Variants in PIAS2 observed in about 807,000 individuals in gnomAD.
PIAS2 encodes E3 SUMO-protein ligase PIAS2.
Under a neutral mutation model 69.7 loss-of-function variants are expected in PIAS2, and 19 were observed. That is an observed-to-expected ratio of 0.27 (90% CI 0.19 to 0.40). The LOEUF is 0.40. Ranked by LOEUF, PIAS2 falls within the 10% of genes least tolerant of loss-of-function variation. The pLI is 1.00. For missense variants in PIAS2, 624 were observed against 757.0 expected (o/e 0.82, Z 2.06); for synonymous variants, 261 against 263.2 (o/e 0.99, Z 0.08).
intron 13 of PIAS2, among the ~76,000 whole-genome samples, chr18:46,814,457 A>G (rs1290894466): frequency 6.6e-6 from 1 of 152,140 alleles, no homozygotes; most frequent in Non-Finnish European, 1.5e-5. Context: ...TTCGTTATAT[A>G]TACTGCTGTA....
rs1429480805 is a variant in PIAS2 at position 46,821,066 on chromosome 18, G to T, written c.1515C>A (p.Leu505=). 1 of 1,613,076 alleles carries T rather than the reference G, an allele frequency of 6.2e-7. No individual in the cohort carries two copies. The highest frequency in any genetic ancestry group is 1.3e-5 in the African/African-American group (1 of 74,842). Residue 505 remains leucine (L), a synonymous_variant, in exon 12 of 14, where the codon CTC becomes CTA. Coordinates refer to ENST00000585916, the MANE Select transcript of PIAS2 (RefSeq NM_004671.5). ...ETQSSPTKGV[L]MYQPSSVRVP... ...CCCTTACAGAAGATGGCTGATACAT[G>T]AGAACCCTGTTTTAAATAGCACGGG...
At chr18:46,821,686 T>G (rs1044469699) in intron 11 of PIAS2, among the ~76,000 whole-genome samples, 13 of 152,186 alleles carry the variant, frequency 8.5e-5, no homozygotes, top group Non-Finnish European at 1.5e-4. Context: ...ATAAAAATGC[T>G]GGCTACCATG....
Position 46,859,427 on chromosome 18 carries a change from C to CAAAAAAA in PIAS2, c.585-3819_585-3813dup, listed in dbSNP as rs55776913. The stretch of plus-strand genomic sequence containing the variant: ...TGGGTGACAGAGCGAGACTCCGTCT[C>CAAAAAAA]AAAAAAAAAAAAAAAAAAAAAAAAA... On this transcript the variant is annotated intron_variant, in intron 3 of 13. Transcript: ENST00000585916. 5.1e-3 allele frequency among the ~76,000 whole-genome samples: 457 copies of CAAAAAAA among 89,526 alleles called. 11 individuals are homozygous for CAAAAAAA. Among genetic ancestry groups the CAAAAAAA allele is most frequent in the Non-Finnish European group, 7.3e-3 (365 of 50,176 alleles). The allele number at this position is 89,526 out of a possible 152,430, so 58.7% of individuals were successfully genotyped here.
chr18:46,904,049 G>A (rs1429316822), intron 1 of PIAS2: 1 of 152,182 alleles, frequency 6.6e-6, no homozygotes, highest in Non-Finnish European at 1.5e-5. Context: ...GGGCCCCAGA[G>A]AGTGAGGGAA....
Position 46,823,998 on chromosome 18 carries a change from G to A in PIAS2, c.1509-2926C>T, listed in dbSNP as rs553801438. On this transcript the variant is annotated intron_variant, in intron 11 of 13. Transcript: ENST00000585916. ...ATGTGATGCTATATGTTAATAAAAA[G>A]ATTTAAAGCTTTTAAAACTTGTTAC... 1.0e-3 allele frequency among the ~76,000 whole-genome samples: 159 copies of A among 152,272 alleles called. 1 individual carries two copies. Among genetic ancestry groups the A allele is most frequent in the Middle Eastern group, 0.01 (3 of 294 alleles).
At chr18:46,911,874 A>T (rs1479220987) in intron 1 of PIAS2, among the ~76,000 whole-genome samples, 1 of 152,190 alleles carries the variant, frequency 6.6e-6, no homozygotes, top group African/African-American at 2.4e-5. Flanking sequence ...AACATGGTGA[A>T]ACCCTGTCTC....
At chr18:46,872,266 C>G (rs1246360287) in intron 2 of PIAS2, among the ~76,000 whole-genome samples, 1 of 152,148 alleles carries the variant, frequency 6.6e-6, no homozygotes, top group Non-Finnish European at 1.5e-5. Context: ...CAGCAAAATA[C>G]CATATGACCA....
chr18:46,829,912 C>T, intron 9 of PIAS2, 45 bp from the exon 10 acceptor site: 2 of 1,557,840 alleles, frequency 1.3e-6, no homozygotes, highest in East Asian at 2.3e-5. Flanking sequence ...AACAGCTTTG[C>T]CTAAAGGTGA....
chr18:46,890,787 C>A lies in PIAS2; in HGVS notation c.292G>T (p.Val98Leu). Residue 98 changes from valine (V) to leucine (L), a missense_variant, in exon 2 of 14, where the codon GTG (valine) becomes TTG (leucine). Val to Leu is a conservative substitution (Grantham distance 32, BLOSUM62 1). Around this residue, in one of 3 missense-constraint regions of PIAS2, gnomAD observed 339 missense variants for 408.8 expected, o/e 0.83. Transcript: ENST00000585916. ...GAAGGCAACGAGTGGATTCCAGCCA[C>A]GGCCAAGTCAGGTTCTACAGGTGAT... ...GSSPVEPDLA[V>L]AGIHSLPSTS... 1 of 1,614,124 alleles carries A rather than the reference C, an allele frequency of 6.2e-7. No individual in the cohort carries two copies. Among genetic ancestry groups the A allele is most frequent in the Admixed American group, 1.7e-5 (1 of 60,004 alleles).
rs776646287 is a variant in PIAS2 at position 46,890,845 on chromosome 18, G to A, written c.234C>T (p.Ile78=). 1 of 1,614,170 alleles carries A rather than the reference G, an allele frequency of 6.2e-7. No homozygotes were observed. Among genetic ancestry groups the A allele is most frequent in the Admixed American group, 1.7e-5 (1 of 60,014 alleles). Residue 78 remains isoleucine, a synonymous_variant, in exon 2 of 14, where the codon ATC becomes ATT. Transcript: ENST00000585916. Reference sequence around the variant, plus strand: ...CATCCAAACTGAAAACCGATGATTTGATTGTGGATAAATCAGAAAGTCCTT... The same window carrying A: ...CATCCAAACTGAAAACCGATGATTTAATTGTGGATAAATCAGAAAGTCCTT... ...TLEGLSDLST[I]KSSVFSLDGG...
intron 9 of PIAS2, among the ~76,000 whole-genome samples, chr18:46,834,847 T>C (rs2044200213): frequency 6.6e-6 from 1 of 152,252 alleles, no homozygotes; most frequent in African/African-American, 2.4e-5. Context: ...GACGATGTTA[T>C]GCCTGTTGGC....
chr18:46,859,948 T>C (rs1390710613), intron 3 of PIAS2, among the ~76,000 whole-genome samples: 1 of 152,144 alleles, frequency 6.6e-6, no homozygotes, highest in Non-Finnish European at 1.5e-5. Flanking sequence ...TGGTTAAAAA[T>C]ATACTAGTAC....
chr18:46,874,452 G>A (rs1188299524), intron 2 of PIAS2, among the ~76,000 whole-genome samples: 1 of 152,138 alleles, frequency 6.6e-6, no homozygotes, highest in Non-Finnish European at 1.5e-5. Context: ...AGCTAGCCCA[G>A]CTATTAGAAA....
chr18:46,919,409 C>T (rs2058386829), upstream of PIAS2, among the ~76,000 whole-genome samples: 2 of 152,074 alleles, frequency 1.3e-5, no homozygotes, highest in African/African-American at 2.4e-5. Context: ...TCGCTTGAAC[C>T]CTGGAGGCGG....
At position 46,803,415 on chromosome 18, in the gene PIAS2, C is replaced by G. The variant is rs193137552; in HGVS notation, c.*9018G>C. On this transcript the variant is annotated 3_prime_UTR_variant, in exon 14 of 14. Coordinates refer to ENST00000585916, the MANE Select transcript of PIAS2 (RefSeq NM_004671.5). ...CTATTTTTTGGCCTCTGTAATACCACGTTATTTTCCTTCAGTCTCAGCTGC... is the reference window on the plus strand; with the variant it reads ...CTATTTTTTGGCCTCTGTAATACCAGGTTATTTTCCTTCAGTCTCAGCTGC... 6.6e-6 allele frequency: 1 copy of G among 152,176 alleles called. No homozygotes were observed. The highest frequency in any genetic ancestry group is 1.5e-5 in the Non-Finnish European group (1 of 68,030). 9.4% of individuals were successfully genotyped at this position (152,176 alleles called of 1,614,324 possible). A position where few individuals can be genotyped will look rare whatever the true frequency, so the allele number is the denominator to read the frequency against.
Position 46,811,250 on chromosome 18 carries a change from T to C in PIAS2, c.*1183A>G, listed in dbSNP as rs1219311427. On this transcript the variant is annotated 3_prime_UTR_variant, in exon 14 of 14. Coordinates refer to ENST00000585916, the MANE Select transcript of PIAS2 (RefSeq NM_004671.5). Reference sequence around the variant, plus strand: ...GTCGTTTGTAGTTTCAGGTAAGATATCATTTTAAAAAAATGAAAAAAAAAA... The same window carrying C: ...GTCGTTTGTAGTTTCAGGTAAGATACCATTTTAAAAAAATGAAAAAAAAAA... The C allele has an allele frequency of 2.0e-5, 3 of 150,640 alleles. No individual in the cohort carries two copies. Among genetic ancestry groups the C allele is most frequent in the Non-Finnish European group, 2.9e-5 (2 of 67,834 alleles). 9.3% of individuals were successfully genotyped at this position (150,640 alleles called of 1,614,324 possible).
At chr18:46,864,120 T>C in intron 3 of PIAS2, 44 bp downstream of exon 3, 2 of 1,156,098 alleles carry the variant, frequency 1.7e-6, no homozygotes, top group Non-Finnish European at 2.5e-6. Context: ...TACAGGTGAA[T>C]AAACCAATAT....
intron 12 of PIAS2, chr18:46,818,199 A>G (rs2144759083): frequency 5.9e-6 from 7 of 1,181,918 alleles, no homozygotes; most frequent in Non-Finnish European, 6.3e-6. Flanking sequence ...TTAACAAAAC[A>G]TAACTGCTAC....
chr18:46,914,458 A>C (rs1419778268), intron 1 of PIAS2, among the ~76,000 whole-genome samples: 2 of 152,184 alleles, frequency 1.3e-5, no homozygotes, highest in African/African-American at 2.4e-5. Flanking sequence ...ATATTCTGCT[A>C]TGACCAGCCA....
Sources: allele counts gnomAD v4.1 joint callset (sites outside exome capture counted in the v4.1 genomes callset), GRCh38; gene constraint gnomAD v4.1.1; regional missense constraint gnomAD v4.1.1; transcripts MANE v1.5; gene names NCBI Gene and HGNC (gene_info 2026-07-23, HGNC 2026-07-21).